Variants in TRDN observed in about 807,000 individuals in gnomAD.
TRDN encodes the protein triadin in skeletal muscle.
Under a neutral mutation model 149.7 loss-of-function variants are expected in TRDN, and 161 were observed. That is an observed-to-expected ratio of 1.08 (90% confidence interval 0.95 to 1.23). The LOEUF (loss-of-function observed/expected upper bound fraction) is 1.23, where lower values mean the gene tolerates loss of function less well. Ranked by LOEUF, TRDN falls within the 50% of genes most tolerant of loss-of-function variation. TRDN has a pLI of 0.00. For synonymous variants in TRDN, 294 were observed against 250.5 expected, an observed-to-expected ratio of 1.17 and a Z score of -1.64; for missense variants, 896 against 823.5, an observed-to-expected ratio of 1.09 and a Z score of -1.08.
Position 123,316,497 on chromosome 6 carries a change from T to A in TRDN, c.1472-2A>T, listed in dbSNP as rs1244343965. On this transcript the variant is annotated splice_acceptor_variant, in intron 23 of 40. Transcript: ENST00000334268. LOFTEE classifies it high-confidence loss of function. ...TTTCATCTTTTTTAGTTTCAGGTTCTGGGGCAAAACGTACACATAAACACG... is the reference window on the plus strand; with the variant it reads ...TTTCATCTTTTTTAGTTTCAGGTTCAGGGGCAAAACGTACACATAAACACG... 6.2e-7 allele frequency: 1 copy of A among 1,610,416 alleles called. No homozygotes were observed. The highest frequency in any genetic ancestry group is 8.5e-7 in the Non-Finnish European group (1 of 1,177,656).
rs375374552 is a variant in TRDN at position 123,504,376 on chromosome 6, CAA to C, written c.611-477_611-476del. On this transcript the variant is annotated intron_variant, in intron 7 of 40. Transcript: ENST00000334268. ...GTCATTCAAGAAACTGAAATGCCAACAAAGTCTTTTTTAAAGACAACAATTAG... is the reference window on the plus strand; with the variant it reads ...GTCATTCAAGAAACTGAAATGCCAACAGTCTTTTTTAAAGACAACAATTAG... Among the ~76,000 whole-genome samples the C allele has an allele frequency of 5.1e-3, 779 of 152,098 alleles. 10 individuals carry two copies. Among genetic ancestry groups the C allele is most frequent in the African/African-American group, 0.018 (737 of 41,514 alleles).
At chr6:123,290,722 A>G (rs1777980099) in intron 24 of TRDN, among the ~76,000 whole-genome samples, 1 of 152,196 alleles carries the variant, frequency 6.6e-6, no homozygotes, top group East Asian at 1.9e-4. Flanking sequence ...TTCTAGGTTT[A>G]TATAAAATGT....
intron 23 of TRDN, among the ~76,000 whole-genome samples, chr6:123,321,168 T>C (rs1037325925): frequency 1.5e-4 from 23 of 152,134 alleles, no homozygotes; most frequent in Non-Finnish European, 3.4e-4. Flanking sequence ...CAGGCAATTG[T>C]GTGACCTGGG....
intron 2 of TRDN, among the ~76,000 whole-genome samples, chr6:123,558,554 A>T (rs888100731): frequency 2.6e-5 from 4 of 152,188 alleles, no homozygotes; most frequent in Non-Finnish European, 5.9e-5. Flanking sequence ...AACCCAGCCC[A>T]GTTCATGGCT....
intron 24 of TRDN, among the ~76,000 whole-genome samples, chr6:123,295,756 G>T (rs968985259): frequency 1.3e-5 from 2 of 151,970 alleles, no homozygotes; most frequent in African/African-American, 4.8e-5. Context: ...TCGAGACCAG[G>T]AGTTTGAGAC....
At chr6:123,236,647 A>C (rs894917245) in intron 38 of TRDN, among the ~76,000 whole-genome samples, 3 of 152,140 alleles carry the variant, frequency 2.0e-5, no homozygotes, top group African/African-American at 4.8e-5. Context: ...GTTTATTTTC[A>C]AAAAATACAT....
chr6:123,376,531 A>T (rs1350045049), intron 18 of TRDN, among the ~76,000 whole-genome samples: 7 of 152,140 alleles, frequency 4.6e-5, no homozygotes, highest in Admixed American at 3.9e-4. Flanking sequence ...AATAAAGAGA[A>T]AAAACAGTCG....
At chr6:123,634,409 C>T (rs948234519) in intron 1 of TRDN, among the ~76,000 whole-genome samples, 3 of 151,364 alleles carry the variant, frequency 2.0e-5, no homozygotes, top group Non-Finnish European at 4.4e-5. Context: ...CCACTGCATT[C>T]CAATATGGGT....
chr6:123,243,590 T>C (rs371029595), intron 38 of TRDN, among the ~76,000 whole-genome samples: 8 of 152,080 alleles, frequency 5.3e-5, no homozygotes, highest in African/African-American at 1.9e-4. Flanking sequence ...TATTTTAAAA[T>C]AGAACCAAAT....
chr6:123,581,650 T>C (rs1198466981), intron 1 of TRDN, among the ~76,000 whole-genome samples: 1 of 152,092 alleles, frequency 6.6e-6, no homozygotes, highest in East Asian at 1.9e-4. Context: ...AACGTTGAGA[T>C]GAGAGGTATG....
At chr6:123,570,744 A>G (rs1782529895) in intron 2 of TRDN, among the ~76,000 whole-genome samples, 179 bp downstream of exon 2, 1 of 152,184 alleles carries the variant, frequency 6.6e-6, no homozygotes, top group South Asian at 2.1e-4. Context: ...ACCGACAAAG[A>G]AAGAGAATAG....
chr6:123,475,758 G>A (rs1225618959), intron 9 of TRDN, among the ~76,000 whole-genome samples: 32 of 142,734 alleles, frequency 2.2e-4, no homozygotes, highest in Admixed American at 1.1e-3. Flanking sequence ...TTCAATATAC[G>A]CAAATCAATA....
intron 12 of TRDN, among the ~76,000 whole-genome samples, chr6:123,400,823 A>G (rs77527412): frequency 0.013 from 1,965 of 152,290 alleles, 47 homozygotes; most frequent in African/African-American, 0.045. Context: ...TTCCTAGAAA[A>G]TAAGAAACAC....
chr6:123,600,428 G>A (rs920289027), intron 1 of TRDN, among the ~76,000 whole-genome samples: 1 of 151,662 alleles, frequency 6.6e-6, no homozygotes, highest in African/African-American at 2.4e-5. Flanking sequence ...AATGGAACCC[G>A]GGTTGGGTGT....
intron 7 of TRDN, among the ~76,000 whole-genome samples, chr6:123,507,146 A>G (rs1778967046): frequency 2.0e-5 from 3 of 152,090 alleles, no homozygotes; most frequent in Admixed American, 1.3e-4. Flanking sequence ...AAACTTGTCT[A>G]AACCTGTTAA....
At chr6:123,447,588 G>T (rs1184495484) in intron 10 of TRDN, among the ~76,000 whole-genome samples, 1 of 152,158 alleles carries the variant, frequency 6.6e-6, no homozygotes, top group Non-Finnish European at 1.5e-5. Context: ...TACAGTCATA[G>T]CTCATGTCTT....
Position 123,218,406 on chromosome 6 carries a change from T to C in TRDN, c.*195A>G, listed in dbSNP as rs1007832373. The C allele has an allele frequency of 9.2e-6, 5 of 545,822 alleles. No homozygotes were observed. Among genetic ancestry groups the C allele is most frequent in the Non-Finnish European group, 1.6e-5 (5 of 316,704 alleles). The allele number at this position is 545,822 out of a possible 1,614,324, so 33.8% of individuals were successfully genotyped here. Reference sequence around the variant, plus strand: ...GCAGCAAACACACATAACAGATTCTTGAGACTTAGACCCTTAAACATGTCT... The same window carrying C: ...GCAGCAAACACACATAACAGATTCTCGAGACTTAGACCCTTAAACATGTCT... On this transcript the variant is annotated 3_prime_UTR_variant, in exon 41 of 41. Transcript: ENST00000334268.
chr6:123,241,869 A>G (rs772388339), intron 38 of TRDN, among the ~76,000 whole-genome samples: 7 of 152,138 alleles, frequency 4.6e-5, no homozygotes, highest in Non-Finnish European at 8.8e-5. Context: ...TATTCAAGAA[A>G]AAAAAAATTA....
chr6:123,271,882 A>G (rs1225794434), intron 29 of TRDN, among the ~76,000 whole-genome samples: 3 of 151,986 alleles, frequency 2.0e-5, no homozygotes, highest in Non-Finnish European at 4.4e-5. Flanking sequence ...AAGACAATGC[A>G]TTTGATGTAC....
Sources: gnomAD v4.1 joint callset for allele counts (sites outside exome capture counted in the v4.1 genomes callset) on GRCh38, gnomAD v4.1.1 for gene constraint, MANE v1.5 for transcripts, NCBI Gene and HGNC (gene_info 2026-07-23, HGNC 2026-07-21) for gene names.